The following KCND3 variants were observed in gnomAD, a reference collection of about 807,000 sequenced individuals.
KCND3 encodes potassium voltage-gated channel subfamily D member 3, also known as A-type voltage-gated potassium channel KCND3.
A neutral mutation model predicts 51.1 loss-of-function variants in KCND3; 9 were observed. That is an observed-to-expected ratio of 0.18 (90% CI 0.11 to 0.31). The LOEUF (loss-of-function observed/expected upper bound fraction) is 0.31. KCND3 is among the 10% of genes least tolerant of loss of function. The pLI is 1.00. For synonymous variants in KCND3, 349 were observed against 368.0 expected (o/e 0.95, Z 0.59); for missense variants, 526 against 903.8 (o/e 0.58, Z 5.36).
chr1:111,869,791 G>A (rs139027743), intron 2 of KCND3, among the ~76,000 whole-genome samples: 1,833 of 152,278 alleles, frequency 0.012, 14 homozygotes, highest in Non-Finnish European at 0.019. Context: ...AGAAGACCAC[G>A]GGTCTTTACT....
intron 2 of KCND3, among the ~76,000 whole-genome samples, chr1:111,856,488 G>T (rs973555418): frequency 6.6e-6 from 1 of 152,182 alleles, no homozygotes. Context: ...ATGGCAGCTG[G>T]TGGTCGCCTG....
intron 2 of KCND3, among the ~76,000 whole-genome samples, chr1:111,816,569 C>G (rs1447051366): frequency 6.6e-6 from 1 of 152,242 alleles, no homozygotes; most frequent in Admixed American, 6.5e-5. Context: ...TGCCTTCACA[C>G]CCCGAACTGG....
chr1:111,894,714 C>T (rs1012239994), intron 2 of KCND3, among the ~76,000 whole-genome samples: 3 of 152,210 alleles, frequency 2.0e-5, no homozygotes, highest in African/African-American at 7.2e-5. Flanking sequence ...ATCAGGCCAG[C>T]AGCCATCTGG....
chr1:111,886,014 G>T (rs1484066758), intron 2 of KCND3, among the ~76,000 whole-genome samples: 1 of 152,194 alleles, frequency 6.6e-6, no homozygotes, highest in Non-Finnish European at 1.5e-5. Context: ...ATCTACTCAA[G>T]TAATGTAATT....
chr1:111,970,792 A>T (rs963327837), intron 2 of KCND3, among the ~76,000 whole-genome samples: 6 of 152,186 alleles, frequency 3.9e-5, no homozygotes, highest in African/African-American at 1.4e-4. Flanking sequence ...ACCTCGAGGG[A>T]TTTAGTCCCC....
chr1:111,882,388 G>A (rs1669374204), intron 2 of KCND3, among the ~76,000 whole-genome samples: 1 of 152,346 alleles, frequency 6.6e-6, no homozygotes, highest in East Asian at 1.9e-4. Flanking sequence ...TGACATCGGT[G>A]TTAGAGAAAG....
chr1:111,915,247 GTAGACTTAAACTCAATCA>G (rs987358832), intron 2 of KCND3, among the ~76,000 whole-genome samples: 2 of 152,048 alleles, frequency 1.3e-5, no homozygotes, highest in African/African-American at 4.8e-5. Context: ...CAGCAAGATA[GTAGACTTAAACTCAATCA>G]TATCAATAAT....
At position 111,866,137 on chromosome 1, in the gene KCND3, T is replaced by C. The variant is rs183537652; in HGVS notation, c.1107-79031A>G. On this transcript the variant is annotated intron_variant, in intron 2 of 7. Coordinates refer to ENST00000302127, the MANE Select transcript of KCND3 (RefSeq NM_001378969.1). Reference sequence around the variant, plus strand: ...TAGTAGATTATTTTTTAAGAGCAGTTTTAGGTTTGTAGCAAAATTGAATGA... The same window carrying C: ...TAGTAGATTATTTTTTAAGAGCAGTCTTAGGTTTGTAGCAAAATTGAATGA... 3.3e-3 allele frequency among the ~76,000 whole-genome samples: 504 copies of C among 152,200 alleles called. 3 individuals carry two copies. The highest frequency in any genetic ancestry group is 0.011 in the African/African-American group (476 of 41,552).
At chr1:111,950,888 G>A (rs970239118) in intron 2 of KCND3, among the ~76,000 whole-genome samples, 3 of 152,124 alleles carry the variant, frequency 2.0e-5, no homozygotes, top group Admixed American at 1.3e-4. Context: ...AAGAAATAGT[G>A]GGCTGCACAT....
At chr1:111,940,212 C>T (rs11582536) in intron 2 of KCND3, among the ~76,000 whole-genome samples, 29,844 of 148,508 alleles carry the variant, frequency 0.2, 3,886 homozygotes, top group Non-Finnish European at 0.29. Flanking sequence ...TTTTGCTGTG[C>T]GGAAGCTCTT....
intron 1 of KCND3, among the ~76,000 whole-genome samples, chr1:111,983,308 A>C (rs1327828213): frequency 1.3e-5 from 2 of 152,094 alleles, no homozygotes; most frequent in Admixed American, 6.5e-5. Flanking sequence ...ACTCCTCCCT[A>C]GTGAGGAAGA....
chr1:111,933,770 T>C (rs1200065164), intron 2 of KCND3, among the ~76,000 whole-genome samples: 2 of 151,738 alleles, frequency 1.3e-5, no homozygotes, highest in African/African-American at 4.8e-5. Flanking sequence ...TGACTTTCAC[T>C]AGACATCTCC....
intron 2 of KCND3, among the ~76,000 whole-genome samples, chr1:111,897,731 G>C (rs569148984): frequency 6.6e-6 from 1 of 152,358 alleles, no homozygotes; most frequent in African/African-American, 2.4e-5. Context: ...TGCAGGTGCA[G>C]AAGCTGGCTT....
At chr1:111,961,152 G>A (rs192426418) in intron 2 of KCND3, among the ~76,000 whole-genome samples, 3 of 152,354 alleles carry the variant, frequency 2.0e-5, no homozygotes, top group Non-Finnish European at 4.4e-5. Context: ...CTGGCGGCCA[G>A]GATTCTGGCT....
At position 111,989,655 on chromosome 1, in the gene KCND3, C is replaced by T. The variant is rs1320183392; in HGVS notation, c.-223G>A. 5.4e-5 allele frequency: 8 copies of T among 148,562 alleles called. No homozygotes were observed. The highest frequency in any genetic ancestry group is 5.4e-4 in the Admixed American group (8 of 14,886). The allele number at this position is 148,562 out of a possible 1,614,324, so 9.2% of individuals were successfully genotyped here. On this transcript the variant is annotated 5_prime_UTR_variant, in exon 1 of 8. Coordinates refer to ENST00000302127, the MANE Select transcript of KCND3 (RefSeq NM_001378969.1). ...CTCGCGCGGCTCCTCCTCGCCAGCG[C>T]AGTCTCGCTCGCTGCCTCCCTCGCT...
At chr1:111,871,765 T>A (rs776571979) in intron 2 of KCND3, among the ~76,000 whole-genome samples, 2 of 152,122 alleles carry the variant, frequency 1.3e-5, no homozygotes, top group Non-Finnish European at 2.9e-5. Context: ...GATCCTTGGA[T>A]AAAACCTAAA....
chr1:111,880,877 G>A (rs1417256074), intron 2 of KCND3, among the ~76,000 whole-genome samples: 1 of 151,970 alleles, frequency 6.6e-6, no homozygotes, highest in African/African-American at 2.4e-5. Context: ...TGTAAAGAAT[G>A]AACCGTTTTT....
chr1:111,780,812 AAAAG>A lies in KCND3; in HGVS notation c.1270-25_1270-22del. ...GCCTTCTGTGATTGGCAGAGATAATAAAAGAATGAGGCAGACCATGATACAAAAA... is the reference window on the plus strand; with the variant it reads ...GCCTTCTGTGATTGGCAGAGATAATAAATGAGGCAGACCATGATACAAAAA... On this transcript the variant is annotated intron_variant, in intron 3 of 7. Transcript: ENST00000302127. The surrounding 1 kb of genome is among the most constrained non-coding windows in gnomAD (Gnocchi z 4.2). 1 of 1,592,190 alleles carries A rather than the reference AAAAG, an allele frequency of 6.3e-7. No individual in the cohort carries two copies. Among genetic ancestry groups the A allele is most frequent in the South Asian group, 1.1e-5 (1 of 88,708 alleles).
At chr1:111,951,522 A>G (rs1033172769) in intron 2 of KCND3, among the ~76,000 whole-genome samples, 1 of 152,208 alleles carries the variant, frequency 6.6e-6, no homozygotes, top group African/African-American at 2.4e-5. Context: ...TGACCACCTT[A>G]AGTATGGGAA....
Sources: allele counts gnomAD v4.1 joint callset (sites outside exome capture counted in the v4.1 genomes callset), GRCh38; gene constraint gnomAD v4.1.1; non-coding constraint Gnocchi (gnomAD v3.1); transcripts MANE v1.5; gene names NCBI Gene and HGNC (gene_info 2026-07-23, HGNC 2026-07-21).